Variants in MXI1 observed in about 807,000 individuals in gnomAD.
The protein encoded by MXI1 is MAX interactor 1, dimerization protein.
In MXI1, 18 loss-of-function variants were observed where a neutral mutation model predicts 36.9. The observed-to-expected ratio is 0.49, with a 90% CI of 0.34 to 0.72. The LOEUF is 0.72. MXI1 is among the 30% of genes least tolerant of loss of function. The pLI is 0.01. For missense variants in MXI1, 304 were observed against 379.1 expected, an observed-to-expected ratio of 0.80 and a Z score of 1.64; for synonymous variants, 160 against 146.7, an observed-to-expected ratio of 1.09 and a Z score of -0.65.
chr10:110,261,067 T>C, intron 3 of MXI1: 3 of 985,028 alleles, frequency 3.0e-6, no homozygotes, highest in Non-Finnish European at 3.6e-6. Flanking sequence ...AGCACACTGC[T>C]CTTACACAAA....
chr10:110,239,716 T>C (rs1181134216), intron 2 of MXI1, among the ~76,000 whole-genome samples: 1 of 152,186 alleles, frequency 6.6e-6, no homozygotes, highest in Non-Finnish European at 1.5e-5. Context: ...GTGTTTGCTA[T>C]ATTTGAAGTA....
chr10:110,256,420 A>G (rs112234861), intron 3 of MXI1, among the ~76,000 whole-genome samples: 1 of 151,844 alleles, frequency 6.6e-6, no homozygotes, highest in African/African-American at 2.4e-5. Flanking sequence ...CCTGACTAAC[A>G]TGGAGAAACC....
chr10:110,237,397 T>A (rs1689917101), intron 2 of MXI1, among the ~76,000 whole-genome samples: 1 of 152,238 alleles, frequency 6.6e-6, no homozygotes, highest in Non-Finnish European at 1.5e-5. Context: ...TTATCATGAA[T>A]GGATGGTAAA....
At chr10:110,221,856 C>T (rs1190680021) in intron 1 of MXI1, among the ~76,000 whole-genome samples, 3 of 152,196 alleles carry the variant, frequency 2.0e-5, no homozygotes, top group African/African-American at 7.2e-5. Flanking sequence ...TCGGGCAGCA[C>T]CTGAGTCGCT....
At chr10:110,244,911 T>C (rs533279357) in intron 3 of MXI1, 54 bp downstream of exon 3, 1 of 1,568,570 alleles carries the variant, frequency 6.4e-7, no homozygotes, top group South Asian at 1.2e-5. Flanking sequence ...AAACTCACCA[T>C]TTTACCTGTG....
At chr10:110,249,859 T>C (rs1856010660) in intron 3 of MXI1, among the ~76,000 whole-genome samples, 1 of 152,088 alleles carries the variant, frequency 6.6e-6, no homozygotes, top group Non-Finnish European at 1.5e-5. Context: ...GCAAATGCAG[T>C]GAGATTTGGA....
chr10:110,252,639 C>T (rs1029315536), intron 3 of MXI1, among the ~76,000 whole-genome samples: 19 of 152,098 alleles, frequency 1.2e-4, no homozygotes, highest in African/African-American at 4.3e-4. Flanking sequence ...TGCTGTCTGA[C>T]TTCTTTCACT....
chr10:110,228,772 T>G (rs979137106), intron 2 of MXI1, among the ~76,000 whole-genome samples: 3 of 152,234 alleles, frequency 2.0e-5, no homozygotes, highest in Admixed American at 1.3e-4. Flanking sequence ...GATGTGGTTA[T>G]TTGTTTAAGG....
At position 110,208,001 on chromosome 10, in the gene MXI1, C is replaced by A. The variant is rs1854404202; in HGVS notation, c.193C>A (p.His65Asn). Residue 65 changes from histidine to asparagine, a missense_variant, in exon 1 of 6, where the codon CAC becomes AAC. Around this residue, in one of 2 missense-constraint regions of MXI1, gnomAD observed 179 missense variants for 184.8 expected, o/e 0.97. Transcript: ENST00000332674. The part of the protein sequence containing the change: ...FNTSENSMEK[H>N]INTFLQNVQI... ...CACCAGCGAGAACTCGATGGAGAAG[C>A]ACATCAACACTTTTCTGCAGAACGT... is the stretch of plus-strand genomic sequence containing the variant. 2 of 1,603,772 alleles carry A rather than the reference C, an allele frequency of 1.2e-6. No individual in the cohort carries two copies. The highest frequency in any genetic ancestry group is 2.7e-5 in the African/African-American group (2 of 74,076).
At chr10:110,253,377 T>G (rs1856170484) in intron 3 of MXI1, among the ~76,000 whole-genome samples, 1 of 152,078 alleles carries the variant, frequency 6.6e-6, no homozygotes, top group Admixed American at 6.6e-5. Flanking sequence ...TGACTGAGGG[T>G]TAGGCAGTGT....
At chr10:110,210,333 C>T (rs1032409543) in intron 1 of MXI1, 28 of 975,994 alleles carry the variant, frequency 2.9e-5, no homozygotes, top group Admixed American at 1.8e-4. Flanking sequence ...ATAAGTCCCT[C>T]GGCCCCGCAG....
At chr10:110,260,997 A>G in intron 3 of MXI1, 1 of 985,078 alleles carries the variant, frequency 1.0e-6, no homozygotes, top group African/African-American at 1.7e-5. Flanking sequence ...GTATCTCATC[A>G]GTCACTTTAA....
chr10:110,233,445 C>T (rs1488728337), intron 2 of MXI1, among the ~76,000 whole-genome samples: 1 of 151,952 alleles, frequency 6.6e-6, no homozygotes, highest in Admixed American at 6.6e-5. Flanking sequence ...CTTTATTCTA[C>T]GTGAACCTAT....
At chr10:110,282,757 G>T (rs1359833276) in intron 5 of MXI1, among the ~76,000 whole-genome samples, 1 of 151,988 alleles carries the variant, frequency 6.6e-6, no homozygotes, top group Non-Finnish European at 1.5e-5. Flanking sequence ...TGTTATGGGG[G>T]CTTTTAGTTA....
intron 3 of MXI1, among the ~76,000 whole-genome samples, chr10:110,266,110 C>G (rs1378749549): frequency 2.9e-5 from 4 of 140,046 alleles, no homozygotes; most frequent in Non-Finnish European, 4.6e-5. Flanking sequence ...TTTTTCTTTT[C>G]TTTCTTTTTT....
intron 2 of MXI1, among the ~76,000 whole-genome samples, chr10:110,232,744 T>C (rs972910874): frequency 6.6e-6 from 1 of 152,194 alleles, no homozygotes; most frequent in Admixed American, 6.5e-5. Context: ...CATATTAGAC[T>C]GGAAGGAAGA....
At chr10:110,267,486 G>A (rs558585781) in intron 3 of MXI1, among the ~76,000 whole-genome samples, 9 of 152,236 alleles carry the variant, frequency 5.9e-5, no homozygotes, top group Admixed American at 3.3e-4. Flanking sequence ...TGTAATGTTT[G>A]TAGGCTTTTT....
At chr10:110,278,336 A>G (rs578061548) in intron 3 of MXI1, among the ~76,000 whole-genome samples, 5 of 152,334 alleles carry the variant, frequency 3.3e-5, no homozygotes, top group Non-Finnish European at 5.9e-5. Flanking sequence ...AGAGAATGCA[A>G]TGACTTTCAG....
intron 1 of MXI1, among the ~76,000 whole-genome samples, chr10:110,210,582 G>T (rs1321062862): frequency 6.6e-6 from 1 of 152,106 alleles, no homozygotes; most frequent in African/African-American, 2.4e-5. Context: ...CATCCGCCAG[G>T]CCCTCTGTTA....
Sources: gnomAD v4.1 joint callset for allele counts (sites outside exome capture counted in the v4.1 genomes callset) on GRCh38, gnomAD v4.1.1 for gene constraint, gnomAD v4.1.1 regional missense constraint, MANE v1.5 for transcripts, NCBI Gene and HGNC (gene_info 2026-07-23, HGNC 2026-07-21) for gene names.